RABGAP1: variants seen among roughly 807,000 people sequenced by gnomAD.
The protein encoded by RABGAP1 is RAB GTPase activating protein 1.
Under a neutral mutation model 137.6 loss-of-function variants are expected in RABGAP1, and 23 were observed. The ratio of observed to expected loss-of-function variants is 0.17; its 90% CI spans 0.12 to 0.24. The LOEUF is 0.24. Among genes scored for constraint, RABGAP1 ranks in the 10% least tolerant of loss-of-function variants. The pLI is 1.00. For missense variants in RABGAP1, 906 were observed against 1,275.8 expected, an observed-to-expected ratio of 0.71 and a Z score of 4.42; for synonymous variants, 451 against 450.7, an observed-to-expected ratio of 1.00 and a Z score of -0.01.
At chr9:123,093,870 A>G (rs888965462) in intron 21 of RABGAP1, among the ~76,000 whole-genome samples, 1 of 152,196 alleles carries the variant, frequency 6.6e-6, no homozygotes, top group Non-Finnish European at 1.5e-5. Flanking sequence ...ATTTGGGGAG[A>G]ACTGACATCT....
At chr9:122,995,279 C>G (rs1271284403) in intron 6 of RABGAP1, among the ~76,000 whole-genome samples, 1 of 152,088 alleles carries the variant, frequency 6.6e-6, no homozygotes, top group African/African-American at 2.4e-5. Flanking sequence ...TTCCTCATTT[C>G]TATTACTTTT....
chr9:122,951,911 T>C (rs1189216785), intron 1 of RABGAP1, among the ~76,000 whole-genome samples: 3 of 152,228 alleles, frequency 2.0e-5, no homozygotes, highest in Admixed American at 6.5e-5. Flanking sequence ...AGATGCATTT[T>C]ATGCTGGGGT....
At position 122,989,950 on chromosome 9, in the gene RABGAP1, G is replaced by A. The variant is rs1836580586; in HGVS notation, c.766-106G>A. On this transcript the variant is annotated intron_variant, in intron 5 of 25. Coordinates refer to ENST00000373647, the MANE Select transcript of RABGAP1 (RefSeq NM_012197.4). ...AGGTAATTTACCAAAAGAAATAAGTGGGATAAAGATAATTATTGCCCTCCA... is the reference window on the plus strand; with the variant it reads ...AGGTAATTTACCAAAAGAAATAAGTAGGATAAAGATAATTATTGCCCTCCA... The A allele has an allele frequency of 1.3e-5, 16 of 1,236,276 alleles. No individual in the cohort carries two copies. The South Asian group carries it at 2.7e-4, about 21-fold the overall frequency. The allele number at this position is 1,236,276 out of a possible 1,614,324, so 76.6% of individuals were successfully genotyped here. A position where few individuals can be genotyped will look rare whatever the true frequency, so the allele number is the denominator to read the frequency against.
chr9:122,952,022 CTG>C (rs1211843084), intron 1 of RABGAP1, among the ~76,000 whole-genome samples: 1 of 152,122 alleles, frequency 6.6e-6, no homozygotes, highest in Non-Finnish European at 1.5e-5. Flanking sequence ...CAATAAAAAT[CTG>C]TAGTGATCTT....
At chr9:122,940,751 G>A (rs1019736908), upstream of RABGAP1, 6 of 153,020 alleles carry the variant, frequency 3.9e-5, no homozygotes, top group Non-Finnish European at 7.3e-5. Flanking sequence ...CCCGGCTGCA[G>A]TCACGTAGTT....
At chr9:122,978,760 T>G (rs374233242) in intron 2 of RABGAP1, among the ~76,000 whole-genome samples, 2 of 152,192 alleles carry the variant, frequency 1.3e-5, no homozygotes, top group African/African-American at 4.8e-5. Flanking sequence ...TTATAAAAAA[T>G]GGATAATATG....
intron 6 of RABGAP1, among the ~76,000 whole-genome samples, chr9:122,995,027 A>C (rs1836942598): frequency 6.6e-6 from 1 of 152,108 alleles, no homozygotes; most frequent in Non-Finnish European, 1.5e-5. Flanking sequence ...TGAGGCAGGA[A>C]GATAGCTTGA....
intron 13 of RABGAP1, among the ~76,000 whole-genome samples, chr9:123,051,388 C>T (rs1434742263): frequency 1.3e-5 from 2 of 151,668 alleles, no homozygotes; most frequent in African/African-American, 2.4e-5. Flanking sequence ...GCTGGGATTA[C>T]AGGCATGTGC....
At chr9:123,059,984 A>G (rs2132100501) in intron 13 of RABGAP1, among the ~76,000 whole-genome samples, 1 of 152,334 alleles carries the variant, frequency 6.6e-6, no homozygotes, top group South Asian at 2.1e-4. Context: ...AAAGGAAGAG[A>G]CAGAATCCAG....
In RABGAP1 at chr9:123,090,266, AC is replaced by A; in HGVS notation, c.2518-6del. On this transcript the variant is annotated splice_region_variant and splice_polypyrimidine_tract_variant and intron_variant, in intron 20 of 25. Transcript: ENST00000373647. ...ATGTGTCTGTAACTGGTTTCTTTCT[AC>A]CCTTCAGCGGGAGAATAGGCGTCTA... 6.2e-7 allele frequency: 1 copy of A among 1,600,108 alleles called. No homozygotes were observed. Among genetic ancestry groups the A allele is most frequent in the Non-Finnish European group, 8.5e-7 (1 of 1,170,862 alleles).
chr9:122,966,043 A>G (rs1237651423), intron 2 of RABGAP1, among the ~76,000 whole-genome samples: 1 of 152,148 alleles, frequency 6.6e-6, no homozygotes, highest in East Asian at 1.9e-4. Context: ...CAGTAATGCC[A>G]TTTACTGAGA....
intron 13 of RABGAP1, among the ~76,000 whole-genome samples, chr9:123,046,214 A>G (rs945614539): frequency 7.2e-5 from 11 of 152,236 alleles, no homozygotes; most frequent in African/African-American, 2.7e-4. Context: ...GATGTACTTC[A>G]TCAAGGGAAT....
chr9:122,944,509 A>G (rs552104237), intron 1 of RABGAP1, among the ~76,000 whole-genome samples: 19 of 151,508 alleles, frequency 1.3e-4, no homozygotes, highest in Non-Finnish European at 2.7e-4. Flanking sequence ...ACACTCTTAA[A>G]TAATCTTTGT....
chr9:123,058,326 CAAA>C (rs576024979), intron 13 of RABGAP1, among the ~76,000 whole-genome samples: 125 of 145,334 alleles, frequency 8.6e-4, no homozygotes, highest in Non-Finnish European at 1.5e-3. Context: ...TTGTAGTTAG[CAAA>C]AAAAAATTTT....
At chr9:122,972,999 G>A (rs1457744019) in intron 2 of RABGAP1, among the ~76,000 whole-genome samples, 2 of 149,204 alleles carry the variant, frequency 1.3e-5, no homozygotes, top group African/African-American at 4.9e-5. Context: ...AATACATAGA[G>A]GTATATTTCT....
At chr9:123,034,867 A>G (rs2032531318) in intron 13 of RABGAP1, 2 of 1,613,844 alleles carry the variant, frequency 1.2e-6, no homozygotes, top group Non-Finnish European at 1.7e-6. Context: ...GGAGTCCTTG[A>G]CTTGCCAGAT....
At chr9:123,050,560 A>G (rs1284882191) in intron 13 of RABGAP1, among the ~76,000 whole-genome samples, 1 of 152,170 alleles carries the variant, frequency 6.6e-6, no homozygotes, top group Non-Finnish European at 1.5e-5. Flanking sequence ...TGTTTTATAT[A>G]ATTACATTCT....
intron 10 of RABGAP1, among the ~76,000 whole-genome samples, chr9:122,999,568 T>A (rs1350776638): frequency 6.6e-6 from 1 of 152,102 alleles, no homozygotes; most frequent in Non-Finnish European, 1.5e-5. Flanking sequence ...GTCATTTTCT[T>A]CTTGCTGCTT....
chr9:123,063,370 T>C (rs1375048888), intron 13 of RABGAP1: 1 of 152,712 alleles, frequency 6.5e-6, no homozygotes, highest in Non-Finnish European at 1.5e-5. Flanking sequence ...CTGTAAACAT[T>C]TGAGTTTAAG....
Sources: gnomAD v4.1 joint callset for allele counts (sites outside exome capture counted in the v4.1 genomes callset) on GRCh38, gnomAD v4.1.1 for gene constraint, MANE v1.5 for transcripts, NCBI Gene and HGNC (gene_info 2026-07-23, HGNC 2026-07-21) for gene names.